Variants in ZNF334 observed in about 807,000 individuals in gnomAD.
ZNF334 encodes zinc finger protein 334.
ZNF334 carries 14 observed loss-of-function variants against 12.4 expected under a neutral mutation model. The observed-to-expected ratio is 1.13, with a 90% CI of 0.74 to 1.76. The LOEUF is 1.76. Ranked by LOEUF, ZNF334 falls within the 40% of genes most tolerant of loss-of-function variation. The pLI, the probability that ZNF334 is intolerant of heterozygous loss-of-function variation, is 0.00. For synonymous variants in ZNF334, 273 were observed against 269.6 expected (o/e 1.01, Z -0.12); for missense variants, 797 against 804.5 (o/e 0.99, Z 0.11).
At chr20:46,509,972 A>C (rs111255608) in intron 2 of ZNF334, among the ~76,000 whole-genome samples, 26 of 152,338 alleles carry the variant, frequency 1.7e-4, no homozygotes, top group Non-Finnish European at 3.4e-4. Flanking sequence ...GAGGACAGAG[A>C]CAGTATCTCC....
the ZNF334 span, among the ~76,000 whole-genome samples, chr20:46,470,004 G>A: frequency 6.6e-6 from 1 of 152,086 alleles, no homozygotes; most frequent in African/African-American, 2.4e-5. Flanking sequence ...CTTAAAATAG[G>A]GACAAGATTC....
At chr20:46,504,092 T>A (rs1601033078) in intron 4 of ZNF334, 122 bp downstream of exon 4, 1 of 588,360 alleles carries the variant, frequency 1.7e-6, no homozygotes, top group East Asian at 3.0e-5. Context: ...CTCAATCACT[T>A]CTAAAGGTCT....
At chr20:46,497,220 G>T (rs1214016322), downstream of ZNF334, among the ~76,000 whole-genome samples, 1 of 152,188 alleles carries the variant, frequency 6.6e-6, no homozygotes, top group African/African-American at 2.4e-5. Context: ...ATAGAGGTCT[G>T]CCCCAAGCAT....
Position 46,501,643 on chromosome 20 carries a change from G to A in ZNF334, c.1696C>T (p.His566Tyr). ...CACTCATAGGGTCTCTGTCCTGTGT[G>A]TGTTCTCTGATGGTGAGTCAGGGCT... is the stretch of plus-strand genomic sequence containing the variant. ...KSALTHHQRT[H>Y]TGQRPYECNE... The change falls in exon 5 of 5, where the codon CAC becomes TAC. Residue 566 changes from histidine (H) to tyrosine (Y), a missense_variant. Transcript: ENST00000692313. 1 of 1,614,182 alleles carries A rather than the reference G, an allele frequency of 6.2e-7. No homozygotes were observed. Among genetic ancestry groups the A allele is most frequent in the African/African-American group, 1.3e-5 (1 of 75,044 alleles).
At chr20:46,482,434 T>C in the ZNF334 span, among the ~76,000 whole-genome samples, 1 of 152,196 alleles carries the variant, frequency 6.6e-6, no homozygotes, top group African/African-American at 2.4e-5. Context: ...AAAACATCTT[T>C]TAAAATGAAG....
In ZNF334 at chr20:46,512,080, A is replaced by T. The variant is rs749641460; in HGVS notation, c.21+2T>A. On this transcript the variant is annotated splice_donor_variant, in intron 2 of 4. Transcript: ENST00000692313. LOFTEE classifies it high-confidence loss of function. ...TGAGAAGTAAATCCCTGAGCAACTT[A>T]CCTGAAATTTTTTCATTTTCATGTT... 1 of 1,613,834 alleles carries T rather than the reference A, an allele frequency of 6.2e-7. No homozygotes were observed. Among genetic ancestry groups the T allele is most frequent in the South Asian group, 1.1e-5 (1 of 91,076 alleles).
At position 46,501,659 on chromosome 20, in the gene ZNF334, A is replaced by G. The variant is rs1384779721; in HGVS notation, c.1680T>C (p.Thr560=). The G allele has an allele frequency of 1.2e-6, 2 of 1,614,002 alleles. No individual in the cohort carries two copies. The highest frequency in any genetic ancestry group is 1.7e-6 in the Non-Finnish European group (2 of 1,179,954). The change falls in exon 5 of 5, where the codon ACT becomes ACC. Residue 560 remains threonine, a synonymous_variant. Coordinates refer to ENST00000692313, the MANE Select transcript of ZNF334 (RefSeq NM_001353824.2). ...GTCCTGTGTGTGTTCTCTGATGGTG[A>G]GTCAGGGCTGACTTCCTGCAGTAGG... is the stretch of plus-strand genomic sequence containing the variant. ...GRTYCRKSAL[T]HHQRTHTGQR...
At chr20:46,472,222 G>T in the ZNF334 span, among the ~76,000 whole-genome samples, 40,270 of 151,956 alleles carry the variant, frequency 0.27, 6,239 homozygotes, top group African/African-American at 0.43. Flanking sequence ...CACCCCTTGC[G>T]GAATATAGTC....
At chr20:46,470,961 G>C in the ZNF334 span, among the ~76,000 whole-genome samples, 1 of 152,070 alleles carries the variant, frequency 6.6e-6, no homozygotes, top group Non-Finnish European at 1.5e-5. Flanking sequence ...ATTTCCATAA[G>C]ATATTACCTA....
the ZNF334 span, among the ~76,000 whole-genome samples, chr20:46,472,289 G>A: frequency 1.3e-5 from 2 of 152,094 alleles, no homozygotes; most frequent in Non-Finnish European, 2.9e-5. Flanking sequence ...GTGAACATAT[G>A]CAAAAAGCTC....
the ZNF334 span, among the ~76,000 whole-genome samples, chr20:46,487,278 C>T: frequency 2.0e-5 from 3 of 152,156 alleles, no homozygotes; most frequent in Admixed American, 6.5e-5. Flanking sequence ...GCATAATGGA[C>T]AACCAGCCCC....
the ZNF334 span, among the ~76,000 whole-genome samples, chr20:46,468,580 G>A: frequency 6.6e-6 from 1 of 152,032 alleles, no homozygotes; most frequent in East Asian, 1.9e-4. Context: ...CTACACCCCC[G>A]GGCCTATACC....
chr20:46,492,139 A>G, the ZNF334 span: 1 of 152,638 alleles, frequency 6.6e-6, no homozygotes, highest in Admixed American at 6.5e-5. Context: ...AGCCCTTTCC[A>G]TGTAATGAAT....
At chr20:46,476,566 AATT>A in the ZNF334 span, among the ~76,000 whole-genome samples, 1,032 of 152,336 alleles carry the variant, frequency 6.8e-3, 8 homozygotes, top group African/African-American at 0.024. Flanking sequence ...GTCAACCTAC[AATT>A]ATCTCAATAC....
chr20:46,504,782 A>G lies in ZNF334; in HGVS notation c.22-42T>C, dbSNP rs780210949. On this transcript the variant is annotated intron_variant, in intron 2 of 4. Coordinates refer to ENST00000692313, the MANE Select transcript of ZNF334 (RefSeq NM_001353824.2). ...AATCTTGGGTGACCAAAATTGAGTG[A>G]TATCAAATGTATGGTAACATAAACT... is the stretch of plus-strand genomic sequence containing the variant. 6.4e-6 allele frequency: 10 copies of G among 1,556,060 alleles called. No individual in the cohort carries two copies. The South Asian group carries it at 8.5e-5, about 13-fold the overall frequency.
Position 46,504,308 on chromosome 20 carries a change from T to C in ZNF334, c.149-2A>G. 6.2e-7 allele frequency: 1 copy of C among 1,612,974 alleles called. No individual in the cohort carries two copies. Among genetic ancestry groups the C allele is most frequent in the East Asian group, 2.2e-5 (1 of 44,848 alleles). ...CATCTGGTTTGCTAACATGATACCC[T>C]GTTAATGGGAAATTACAGAACTTGG... On this transcript the variant is annotated splice_acceptor_variant, in intron 3 of 4. Coordinates refer to ENST00000692313, the MANE Select transcript of ZNF334 (RefSeq NM_001353824.2). LOFTEE classifies it high-confidence loss of function.
At chr20:46,490,102 T>C in the ZNF334 span, among the ~76,000 whole-genome samples, 1 of 152,178 alleles carries the variant, frequency 6.6e-6, no homozygotes, top group African/African-American at 2.4e-5. Context: ...ATCAAGATAC[T>C]GGAAAATAAT....
chr20:46,489,099 A>G, the ZNF334 span, among the ~76,000 whole-genome samples: 1 of 151,922 alleles, frequency 6.6e-6, no homozygotes, highest in African/African-American at 2.4e-5. Context: ...ATTTCTTCAA[A>G]TATTTTTCTC....
the ZNF334 span, among the ~76,000 whole-genome samples, chr20:46,466,176 T>C: frequency 6.6e-6 from 1 of 152,154 alleles, no homozygotes; most frequent in Non-Finnish European, 1.5e-5. Flanking sequence ...TAGGTAAGAA[T>C]ACCAAGCCAT....
Sources: allele counts gnomAD v4.1 joint callset (sites outside exome capture counted in the v4.1 genomes callset), GRCh38; gene constraint gnomAD v4.1.1; transcripts MANE v1.5; gene names NCBI Gene and HGNC (gene_info 2026-07-23, HGNC 2026-07-21).